Variants in SLIT3 observed in about 807,000 individuals in gnomAD.
SLIT3 encodes slit guidance ligand 3.
A neutral mutation model predicts 184.0 loss-of-function variants in SLIT3; 68 were observed. That is an observed-to-expected ratio of 0.37 (90% CI 0.30 to 0.45). SLIT3 has a LOEUF of 0.45. Ranked by LOEUF, SLIT3 falls within the 20% of genes least tolerant of loss-of-function variation. The probability of loss-of-function intolerance (pLI) is 1.00; values close to 1 mark genes in which losing one functional copy is unlikely to be tolerated. For missense variants in SLIT3, 1,707 were observed against 2,026.0 expected (o/e 0.84, Z 3.02); for synonymous variants, 831 against 828.6 (o/e 1.00, Z -0.05).
intron 8 of SLIT3, among the ~76,000 whole-genome samples, chr5:168,813,029 A>G (rs1429687809): frequency 3.9e-5 from 6 of 152,224 alleles, no homozygotes; most frequent in Non-Finnish European, 8.8e-5. Flanking sequence ...CACCTGAAAA[A>G]GTGTACGACG....
chr5:168,953,810 T>C (rs1274756187), intron 4 of SLIT3, among the ~76,000 whole-genome samples: 1 of 152,188 alleles, frequency 6.6e-6, no homozygotes, highest in African/African-American at 2.4e-5. Context: ...GCCCAGGGAA[T>C]TGGGGCAACA....
At chr5:168,860,110 T>C (rs78741150) in intron 5 of SLIT3, among the ~76,000 whole-genome samples, 5,828 of 152,068 alleles carry the variant, frequency 0.038, 195 homozygotes, top group African/African-American at 0.091. Context: ...AGCTATAGAG[T>C]TGTAAAATGC....
intron 4 of SLIT3, among the ~76,000 whole-genome samples, chr5:169,064,607 C>T (rs1241428002): frequency 1.3e-5 from 2 of 152,222 alleles, no homozygotes; most frequent in African/African-American, 4.8e-5. Flanking sequence ...TCACACACTT[C>T]ACATGCAATA....
intron 7 of SLIT3, among the ~76,000 whole-genome samples, chr5:168,819,804 T>C (rs1757461748): frequency 6.6e-6 from 1 of 152,200 alleles, no homozygotes; most frequent in African/African-American, 2.4e-5. Context: ...CTCTTCTTAA[T>C]CTTGATACAG....
At position 169,141,746 on chromosome 5, in the gene SLIT3, G is replaced by GAA. The variant is rs55972468; in HGVS notation, c.413+51731_413+51732dup. Among the ~76,000 whole-genome samples the GAA allele has an allele frequency of 1.0e-3, 122 of 119,304 alleles. 5 individuals carry two copies. The highest frequency in any genetic ancestry group is 3.5e-3 in the African/African-American group (111 of 31,684). The allele number at this position is 119,304 out of a possible 152,430, so 78.3% of individuals were successfully genotyped here. On this transcript the variant is annotated intron_variant, in intron 4 of 35. Transcript: ENST00000519560. The stretch of plus-strand genomic sequence containing the variant: ...AGAGTGAGACTCTGTCTCAAAAAAA[G>GAA]AAAAAAAAAAAAGTTAACATCTCAG...
chr5:169,268,220 G>A (rs190325291), intron 1 of SLIT3, among the ~76,000 whole-genome samples: 1 of 152,292 alleles, frequency 6.6e-6, no homozygotes, highest in East Asian at 1.9e-4. Flanking sequence ...AAGGAGGAGT[G>A]GCGGAGGGGG....
intron 14 of SLIT3, among the ~76,000 whole-genome samples, chr5:168,765,877 T>C (rs2113516772): frequency 6.6e-6 from 1 of 151,390 alleles, no homozygotes; most frequent in East Asian, 2.0e-4. Flanking sequence ...CGCGGGCAGC[T>C]CAGAACAACG....
intron 4 of SLIT3, among the ~76,000 whole-genome samples, chr5:169,014,812 G>A (rs930886792): frequency 8.5e-5 from 13 of 152,286 alleles, no homozygotes; most frequent in Admixed American, 3.3e-4. Context: ...TTAGTTAGGC[G>A]TGGTGGCACA....
At chr5:168,674,113 C>T (rs528594979) in intron 32 of SLIT3, among the ~76,000 whole-genome samples, 1 of 152,154 alleles carries the variant, frequency 6.6e-6, no homozygotes, top group Non-Finnish European at 1.5e-5. Flanking sequence ...TATTGTCCCC[C>T]CTAAGGTCAC....
At position 168,931,378 on chromosome 5, in the gene SLIT3, C is replaced by T. The variant is rs372958391; in HGVS notation, c.414-48042G>A. 9.9e-5 allele frequency among the ~76,000 whole-genome samples: 15 copies of T among 152,266 alleles called. 1 individual carries two copies. The highest frequency in any genetic ancestry group is 2.0e-4 in the Admixed American group (3 of 15,304). On this transcript the variant is annotated intron_variant, in intron 4 of 35. Coordinates refer to ENST00000519560, the MANE Select transcript of SLIT3 (RefSeq NM_003062.4). ...TGACTGACTGATCTTTCTATCCATCCGTCATACAAATGTTATTGTCCATCT... is the reference window on the plus strand; with the variant it reads ...TGACTGACTGATCTTTCTATCCATCTGTCATACAAATGTTATTGTCCATCT...
chr5:168,835,940 A>C (rs1284907278), intron 6 of SLIT3, among the ~76,000 whole-genome samples: 3 of 152,202 alleles, frequency 2.0e-5, no homozygotes, highest in Non-Finnish European at 4.4e-5. Flanking sequence ...TACAGGCATG[A>C]TCTACTTCAC....
chr5:168,814,760 C>T (rs1757276909), intron 8 of SLIT3, among the ~76,000 whole-genome samples: 1 of 152,336 alleles, frequency 6.6e-6, no homozygotes, highest in Non-Finnish European at 1.5e-5. Context: ...AAAGTAATGG[C>T]AGAAACCACA....
chr5:169,238,264 T>G (rs555889396), intron 3 of SLIT3, among the ~76,000 whole-genome samples: 2 of 152,262 alleles, frequency 1.3e-5, no homozygotes, highest in East Asian at 1.9e-4. Flanking sequence ...ACATTTCTCT[T>G]ATTAAATTTC....
intron 32 of SLIT3, 108 bp downstream of exon 32, chr5:168,683,858 G>C: frequency 9.3e-7 from 1 of 1,074,448 alleles, no homozygotes; most frequent in Non-Finnish European, 1.3e-6. Context: ...GTAGGGGCGG[G>C]GAGAAGGGAC....
intron 1 of SLIT3, among the ~76,000 whole-genome samples, chr5:169,254,142 C>G (rs537484475): frequency 6.6e-6 from 1 of 152,178 alleles, no homozygotes; most frequent in Non-Finnish European, 1.5e-5. Flanking sequence ...ATTCTCTGGG[C>G]CTGCATGCTT....
At chr5:169,109,108 C>G (rs1228780427) in intron 4 of SLIT3, among the ~76,000 whole-genome samples, 1 of 152,194 alleles carries the variant, frequency 6.6e-6, no homozygotes, top group East Asian at 1.9e-4. Context: ...AGTTATATAG[C>G]AAAGGCAGTA....
intron 3 of SLIT3, among the ~76,000 whole-genome samples, chr5:169,197,563 C>T (rs1307058417): frequency 6.6e-6 from 1 of 152,152 alleles, no homozygotes; most frequent in Non-Finnish European, 1.5e-5. Context: ...TACACTCATG[C>T]CATCTGCTGT....
In SLIT3 at chr5:168,764,822, T is replaced by C. The variant is rs555865661; in HGVS notation, c.1460-2133A>G. ...CACAGTTATTCGAGTGGCTTCCTGGTTCATTGTATTATGCAAATCTCCTGC... is the reference window on the plus strand; with the variant it reads ...CACAGTTATTCGAGTGGCTTCCTGGCTCATTGTATTATGCAAATCTCCTGC... On this transcript the variant is annotated intron_variant, in intron 14 of 35. Transcript: ENST00000519560. Among the ~76,000 whole-genome samples the C allele has an allele frequency of 2.5e-4, 38 of 152,322 alleles. No homozygotes were observed. In the South Asian group the frequency reaches 3.7e-3, roughly 15 times the overall value.
intron 4 of SLIT3, among the ~76,000 whole-genome samples, chr5:169,016,133 A>C (rs1756367276): frequency 6.6e-6 from 1 of 152,142 alleles, no homozygotes; most frequent in Non-Finnish European, 1.5e-5. Context: ...TTTTCTTCAC[A>C]AAGTTTTGAG....
Sources: gnomAD v4.1 joint callset for allele counts (sites outside exome capture counted in the v4.1 genomes callset) on GRCh38, gnomAD v4.1.1 for gene constraint, MANE v1.5 for transcripts, NCBI Gene and HGNC (gene_info 2026-07-23, HGNC 2026-07-21) for gene names.